The following PLEKHM3 variants were observed in gnomAD, a reference collection of about 807,000 sequenced individuals.
PLEKHM3 encodes pleckstrin homology domain-containing family M member 3.
In PLEKHM3, 45 loss-of-function variants were observed where a neutral mutation model predicts 81.8. The ratio of observed to expected loss-of-function variants is 0.55; its 90% confidence interval spans 0.43 to 0.71. The LOEUF (loss-of-function observed/expected upper bound fraction) is 0.71, where lower values mean the gene tolerates loss of function less well. Among genes scored for constraint, PLEKHM3 ranks in the 30% least tolerant of loss-of-function variants. The pLI, the probability that PLEKHM3 is intolerant of heterozygous loss-of-function variation, is 0.00. For synonymous variants in PLEKHM3, 352 were observed against 356.4 expected (o/e 0.99, Z 0.14); for missense variants, 788 against 924.3 (o/e 0.85, Z 1.91).
intron 7 of PLEKHM3, among the ~76,000 whole-genome samples, chr2:207,850,610 C>T (rs186820862): frequency 7.9e-4 from 120 of 152,160 alleles, no homozygotes; most frequent in African/African-American, 2.7e-3. Flanking sequence ...AGCATCTCTG[C>T]AGAAATGTAG....
At chr2:207,889,405 C>T (rs1687979164) in intron 6 of PLEKHM3, among the ~76,000 whole-genome samples, 1 of 146,020 alleles carries the variant, frequency 6.8e-6, no homozygotes, top group Non-Finnish European at 1.5e-5. Context: ...CTAGAATACA[C>T]ATTTAAGAGC....
At chr2:207,920,391 G>T (rs1689139762) in intron 5 of PLEKHM3, among the ~76,000 whole-genome samples, 1 of 152,096 alleles carries the variant, frequency 6.6e-6, no homozygotes, top group Admixed American at 6.5e-5. Context: ...GGCACCCCAA[G>T]CCCCCAAATC....
intron 5 of PLEKHM3, among the ~76,000 whole-genome samples, chr2:207,918,394 C>A (rs918211938): frequency 1.3e-5 from 2 of 151,976 alleles, no homozygotes; most frequent in Non-Finnish European, 2.9e-5. Flanking sequence ...TGGTGGTGGG[C>A]GCCTGTAGTC....
At chr2:207,996,292 A>T (rs893776174) in intron 2 of PLEKHM3, among the ~76,000 whole-genome samples, 7 of 152,210 alleles carry the variant, frequency 4.6e-5, no homozygotes, top group African/African-American at 1.7e-4. Context: ...CTGCTGCTAC[A>T]GAGCTTCACA....
At chr2:207,926,546 T>C (rs1036641405) in intron 5 of PLEKHM3, among the ~76,000 whole-genome samples, 4 of 152,214 alleles carry the variant, frequency 2.6e-5, no homozygotes, top group Non-Finnish European at 5.9e-5. Context: ...GCCCAGATTT[T>C]CCACAGAGTT....
intron 7 of PLEKHM3, among the ~76,000 whole-genome samples, chr2:207,836,427 C>T (rs2092320074): frequency 6.6e-6 from 1 of 151,944 alleles, no homozygotes; most frequent in African/African-American, 2.4e-5. Flanking sequence ...GAAGTTCATA[C>T]CCTAGAAATC....
chr2:207,848,058 T>A (rs746920774), intron 7 of PLEKHM3, among the ~76,000 whole-genome samples: 7 of 152,184 alleles, frequency 4.6e-5, no homozygotes, highest in Non-Finnish European at 8.8e-5. Flanking sequence ...GGGTATGTAA[T>A]GTATGTGTAT....
rs1010008173 is a variant in PLEKHM3, at chr2:207,828,171, C to T, written c.*148G>A. On this transcript the variant is annotated 3_prime_UTR_variant, in exon 8 of 8. Coordinates refer to ENST00000427836, the MANE Select transcript of PLEKHM3 (RefSeq NM_001080475.3). ...TACGTACAGGACGTATAGGTATTTG[C>T]GTATATATAAATAAATATATATATC... is the stretch of plus-strand genomic sequence containing the variant. 6.8e-6 allele frequency: 4 copies of T among 584,364 alleles called. No homozygotes were observed. Among genetic ancestry groups the T allele is most frequent in the African/African-American group, 3.8e-5 (2 of 52,506 alleles). The allele number at this position is 584,364 out of a possible 1,614,324, so 36.2% of individuals were successfully genotyped here.
At chr2:207,950,188 C>T (rs982502349) in intron 3 of PLEKHM3, among the ~76,000 whole-genome samples, 1 of 152,168 alleles carries the variant, frequency 6.6e-6, no homozygotes, top group African/African-American at 2.4e-5. Flanking sequence ...TACTTTCATA[C>T]TTTATTTAGA....
At chr2:207,930,322 C>T (rs536259398) in intron 5 of PLEKHM3, among the ~76,000 whole-genome samples, 2 of 152,186 alleles carry the variant, frequency 1.3e-5, no homozygotes, top group East Asian at 3.9e-4. Flanking sequence ...TGGCTCACAC[C>T]TGTAATCCCA....
chr2:207,960,504 A>C (rs1574445809), intron 3 of PLEKHM3, among the ~76,000 whole-genome samples: 1 of 152,302 alleles, frequency 6.6e-6, no homozygotes, highest in African/African-American at 2.4e-5. Context: ...TATAATAATA[A>C]ATGTGATCTG....
intron 3 of PLEKHM3, among the ~76,000 whole-genome samples, chr2:207,975,568 T>G (rs1691276496): frequency 6.8e-6 from 1 of 146,994 alleles, no homozygotes; most frequent in African/African-American, 2.5e-5. Context: ...TCGGGTTCAG[T>G]GAGGTTTTAA....
rs146585834 is a variant in PLEKHM3 at position 207,981,634 on chromosome 2, A to C, written c.611-4048T>G. Among the ~76,000 whole-genome samples the C allele has an allele frequency of 3.5e-3, 528 of 152,316 alleles. 6 individuals are homozygous for C. The highest frequency in any genetic ancestry group is 0.012 in the African/African-American group (484 of 41,554). On this transcript the variant is annotated intron_variant, in intron 2 of 7. Transcript: ENST00000427836. The stretch of plus-strand genomic sequence containing the variant: ...AGTGCTTGGATTATAGGTGTGAGCC[A>C]CTGCACCCAGACTGAAGTTTATTTT...
At chr2:208,000,904 GA>G in intron 2 of PLEKHM3, 125 bp downstream of exon 2, 1 of 917,018 alleles carries the variant, frequency 1.1e-6, no homozygotes. Flanking sequence ...GCCAGATTAA[GA>G]GAGACAAAGG....
chr2:208,014,782 T>G (rs1692825077), intron 1 of PLEKHM3, among the ~76,000 whole-genome samples: 1 of 152,248 alleles, frequency 6.6e-6, no homozygotes, highest in South Asian at 2.1e-4. Context: ...TGCCTGAACA[T>G]TCTGGAGTTG....
chr2:207,982,173 G>A (rs999552306), intron 2 of PLEKHM3, among the ~76,000 whole-genome samples: 1 of 152,094 alleles, frequency 6.6e-6, no homozygotes, highest in Non-Finnish European at 1.5e-5. Flanking sequence ...CTGTCAGCCT[G>A]TTTGTGATTT....
In PLEKHM3 at chr2:207,956,315, A is replaced by AC. The variant is rs1256619383; in HGVS notation, c.1547-9804_1547-9803insG. ...CCCCATCTATACTACAAATACACAC[A>AC]AAAAAAAATTAGCCGGGCGTGGTGG... On this transcript the variant is annotated intron_variant, in intron 3 of 7. Transcript: ENST00000427836. Among the ~76,000 whole-genome samples the AC allele has an allele frequency of 1.3e-5, 2 of 151,422 alleles. 1 individual carries two copies. The highest frequency in any genetic ancestry group is 4.9e-5 in the African/African-American group (2 of 41,214).
At chr2:207,995,874 A>G (rs1230447527) in intron 2 of PLEKHM3, among the ~76,000 whole-genome samples, 1 of 152,226 alleles carries the variant, frequency 6.6e-6, no homozygotes. Context: ...CATTCTAGGA[A>G]AGCAGTGGCC....
At chr2:207,860,236 T>G (rs971963482) in intron 7 of PLEKHM3, among the ~76,000 whole-genome samples, 1 of 151,702 alleles carries the variant, frequency 6.6e-6, no homozygotes, top group African/African-American at 2.4e-5. Flanking sequence ...TATGTGTCTG[T>G]TTTTCTGTGT....
Sources: gnomAD v4.1 joint callset for allele counts (sites outside exome capture counted in the v4.1 genomes callset) on GRCh38, gnomAD v4.1.1 for gene constraint, MANE v1.5 for transcripts, NCBI Gene and HGNC (gene_info 2026-07-23, HGNC 2026-07-21) for gene names.